Variants in NOTCH2 observed in about 807,000 individuals in gnomAD.
NOTCH2 encodes the protein notch receptor 2.
A neutral mutation model predicts 235.8 loss-of-function variants in NOTCH2; 29 were observed. The ratio of observed to expected loss-of-function variants is 0.12; its 90% CI spans 0.09 to 0.17. The LOEUF (loss-of-function observed/expected upper bound fraction) is 0.17. Among genes scored for constraint, NOTCH2 ranks in the 10% least tolerant of loss-of-function variants. The pLI is 1.00. For synonymous variants in NOTCH2, 1,086 were observed against 1,141.5 expected (o/e 0.95, Z 0.98); for missense variants, 2,285 against 3,150.2 (o/e 0.73, Z 6.57).
intron 1 of NOTCH2, among the ~76,000 whole-genome samples, chr1:120,047,599 G>A (rs1489368756): frequency 1.1e-4 from 14 of 125,896 alleles, no homozygotes; most frequent in East Asian, 2.4e-4. Context: ...CAGGAGAATC[G>A]CTTGAGCCTG....
At chr1:120,033,182 T>C (rs1654163246) in intron 1 of NOTCH2, among the ~76,000 whole-genome samples, 1 of 21,644 alleles carries the variant, frequency 4.6e-5, no homozygotes, top group Non-Finnish European at 1.2e-4. Context: ...TCCCAGCACT[T>C]TGGGCGGCTG....
In NOTCH2 at chr1:119,913,993, G is replaced by A. The variant is rs1426255334; in HGVS notation, c.*1313C>T. On this transcript the variant is annotated 3_prime_UTR_variant, in exon 34 of 34. Transcript: ENST00000256646. ...GTATACCAGTAACACGGACCACACG[G>A]TGTGAAAGAAAGATTGGTGAGCAGG... 9 of 232,940 alleles carry A rather than the reference G, an allele frequency of 3.9e-5. No homozygotes were observed. Among genetic ancestry groups the A allele is most frequent in the African/African-American group, 1.1e-4 (5 of 45,324 alleles). The allele number at this position is 232,940 out of a possible 1,614,324, so 14.4% of individuals were successfully genotyped here.
intron 1 of NOTCH2, among the ~76,000 whole-genome samples, chr1:120,065,401 G>A (rs1655468256): frequency 2.0e-5 from 3 of 152,162 alleles, no homozygotes; most frequent in South Asian, 2.1e-4. Context: ...GAAAATACAC[G>A]ATTCCTTCCT....
chr1:119,932,293 T>C (rs1007584246), intron 22 of NOTCH2, among the ~76,000 whole-genome samples: 3 of 152,120 alleles, frequency 2.0e-5, no homozygotes, highest in African/African-American at 4.8e-5. Context: ...ATAAAAAATA[T>C]TGAGGAAGTT....
At chr1:120,037,684 A>G (rs116759841) in intron 1 of NOTCH2, among the ~76,000 whole-genome samples, 1 of 150,978 alleles carries the variant, frequency 6.6e-6, no homozygotes, top group Non-Finnish European at 1.5e-5. Flanking sequence ...AAAAAAAAAA[A>G]CAAAAAAAAG....
chr1:119,952,211 A>G (rs1342319628), intron 14 of NOTCH2, among the ~76,000 whole-genome samples: 1 of 152,186 alleles, frequency 6.6e-6, no homozygotes, highest in African/African-American at 2.4e-5. Flanking sequence ...CACAATTCCC[A>G]TGACTATCCA....
rs781888909 is a variant in NOTCH2, at chr1:119,963,599, C to G, written c.1890G>C (p.Gln630His). The G allele has an allele frequency of 6.2e-7, 1 of 1,614,110 alleles. No individual in the cohort carries two copies. Among genetic ancestry groups the G allele is most frequent in the Non-Finnish European group, 8.5e-7 (1 of 1,179,968 alleles). ...GRCIDLVNGY[Q>H]CNCQPGTSGV... ...CTGACGTGCCTGGCTGGCAGTTGCA[C>G]TGGTAGCCATTGACCAGGTCAATGC... Residue 630 changes from glutamine to histidine, a missense_variant, in exon 11 of 34, where the codon CAG becomes CAC. Physicochemically the swap from Gln to His is conservative, Grantham distance 24 (BLOSUM62 0). This residue lies in a region of NOTCH2 where 431 missense variants were observed against 757.8 expected (regional missense o/e 0.57). Transcript: ENST00000256646.
intron 1 of NOTCH2, among the ~76,000 whole-genome samples, chr1:120,065,774 GAA>G (rs1553216978): frequency 6.6e-6 from 1 of 152,126 alleles, no homozygotes; most frequent in Non-Finnish European, 1.5e-5. Flanking sequence ...GAAAGGGGGA[GAA>G]ACAAAAACAG....
intron 5 of NOTCH2, among the ~76,000 whole-genome samples, chr1:119,973,080 C>T (rs782057583): frequency 6.6e-6 from 1 of 152,144 alleles, no homozygotes; most frequent in African/African-American, 2.4e-5. Context: ...CACCTTTGGA[C>T]CATGCATCTG....
chr1:119,937,546 T>C (rs1377875058), intron 20 of NOTCH2, 80 bp from the exon 21 acceptor site: 1 of 1,344,776 alleles, frequency 7.4e-7, no homozygotes, highest in African/African-American at 1.4e-5. Context: ...AGCAAGTAAA[T>C]CTAAACTGGC....
chr1:119,949,743 C>G (rs1650398227), intron 15 of NOTCH2, among the ~76,000 whole-genome samples: 1 of 152,102 alleles, frequency 6.6e-6, no homozygotes, highest in South Asian at 2.1e-4. Flanking sequence ...TCAGGTAACA[C>G]AGTCATGCTA....
intron 3 of NOTCH2, among the ~76,000 whole-genome samples, chr1:120,003,838 T>G (rs1486956838): frequency 2.0e-5 from 3 of 151,230 alleles, no homozygotes; most frequent in African/African-American, 7.3e-5. Context: ...GAAAAGGGCA[T>G]TCCAGGCAAA....
chr1:119,973,431 A>G, intron 5 of NOTCH2, among the ~76,000 whole-genome samples: 1 of 152,114 alleles, frequency 6.6e-6, no homozygotes, highest in South Asian at 2.1e-4. Flanking sequence ...AAAATAAAAA[A>G]CTTCAGGTTC....
At chr1:120,025,849 G>T (rs1450803233) in intron 2 of NOTCH2, among the ~76,000 whole-genome samples, 1 of 84,176 alleles carries the variant, frequency 1.2e-5, no homozygotes, top group Non-Finnish European at 2.1e-5. Flanking sequence ...AATCAAATTG[G>T]GATTTAGAAT....
intron 5 of NOTCH2, among the ~76,000 whole-genome samples, chr1:119,975,483 T>A (rs1651538114): frequency 1.3e-5 from 2 of 151,888 alleles, no homozygotes; most frequent in Non-Finnish European, 2.9e-5. Flanking sequence ...CCGTCTTTAC[T>A]AAAAATACAA....
intron 5 of NOTCH2, 95 bp from the exon 6 acceptor site, chr1:119,969,839 T>C (rs782447512): frequency 6.5e-5 from 74 of 1,142,602 alleles, no homozygotes; most frequent in Non-Finnish European, 9.1e-5. Context: ...ATGTGACCTG[T>C]CTGAAATTAA....
intron 5 of NOTCH2, among the ~76,000 whole-genome samples, chr1:119,986,755 C>A (rs1553202262): frequency 6.6e-6 from 1 of 152,068 alleles, no homozygotes; most frequent in African/African-American, 2.4e-5. Context: ...CCCAATAATA[C>A]CTGTGAAAAT....
chr1:119,926,474 C>G, intron 24 of NOTCH2, 25 bp downstream of exon 24: 1 of 1,513,678 alleles, frequency 6.6e-7, no homozygotes, highest in Non-Finnish European at 9.1e-7. Flanking sequence ...AATGCCCCTT[C>G]TTAGATGAGC....
Position 120,069,639 on chromosome 1 carries a change from C to G in NOTCH2, c.-233G>C, listed in dbSNP as rs1451493670. On this transcript the variant is annotated 5_prime_UTR_variant, in exon 1 of 34. Transcript: ENST00000256646. Reference sequence around the variant, plus strand: ...CCGCCCGAAGTTTGGCTGAAACTTTCTCGGGTGTGCAACGAAGCAGCCTCG... The same window carrying G: ...CCGCCCGAAGTTTGGCTGAAACTTTGTCGGGTGTGCAACGAAGCAGCCTCG... 1.4e-6 allele frequency: 2 copies of G among 1,394,262 alleles called. No individual in the cohort carries two copies. The highest frequency in any genetic ancestry group is 1.9e-6 in the Non-Finnish European group (2 of 1,079,394). 86.4% of individuals were successfully genotyped at this position (1,394,262 alleles called of 1,614,324 possible).
Sources: allele counts gnomAD v4.1 joint callset (sites outside exome capture counted in the v4.1 genomes callset), GRCh38; gene constraint gnomAD v4.1.1; regional missense constraint gnomAD v4.1.1; transcripts MANE v1.5; gene names NCBI Gene and HGNC (gene_info 2026-07-23, HGNC 2026-07-21).